CCDC3: variants seen among roughly 807,000 people sequenced by gnomAD.
The protein encoded by CCDC3 is coiled-coil domain-containing protein 3.
CCDC3 carries 24 observed loss-of-function variants against 21.4 expected under a neutral mutation model. That is an observed-to-expected ratio of 1.12 (90% CI 0.81 to 1.58). CCDC3 has a LOEUF of 1.58. Ranked by LOEUF, CCDC3 falls within the 40% of genes most tolerant of loss-of-function variation. CCDC3 has a pLI of 0.00. For missense variants in CCDC3, 425 were observed against 360.9 expected (o/e 1.18, Z -1.44); for synonymous variants, 186 against 166.0 (o/e 1.12, Z -0.93).
At chr10:12,906,796 G>A (rs539426539) in intron 2 of CCDC3, among the ~76,000 whole-genome samples, 7 of 152,308 alleles carry the variant, frequency 4.6e-5, no homozygotes, top group Admixed American at 4.6e-4. Context: ...AGCACCTGGT[G>A]TAGGGTGAAG....
At chr10:12,919,892 G>C (rs1433065567) in intron 2 of CCDC3, among the ~76,000 whole-genome samples, 1 of 152,158 alleles carries the variant, frequency 6.6e-6, no homozygotes, top group Admixed American at 6.5e-5. Context: ...GAAAGAGAGA[G>C]GGAGTTTGAC....
chr10:13,025,918 C>T (rs530008730), intron 5 of CCDC3, among the ~76,000 whole-genome samples: 14 of 152,150 alleles, frequency 9.2e-5, no homozygotes, highest in African/African-American at 1.7e-4. Context: ...TGGTGGCTCA[C>T]GCCTGTAATC....
intron 2 of CCDC3, among the ~76,000 whole-genome samples, chr10:12,992,568 A>G (rs1835697749): frequency 6.6e-6 from 1 of 152,122 alleles, no homozygotes; most frequent in Non-Finnish European, 1.5e-5. Flanking sequence ...AAAATCAAAC[A>G]TTTTATGTTC....
At chr10:12,929,668 C>G (rs1219877479) in intron 2 of CCDC3, among the ~76,000 whole-genome samples, 1 of 152,214 alleles carries the variant, frequency 6.6e-6, no homozygotes, top group African/African-American at 2.4e-5. Context: ...CTCCCCAGGC[C>G]CTTCCACATG....
intron 2 of CCDC3, among the ~76,000 whole-genome samples, chr10:12,958,806 C>A (rs964062800): frequency 3.3e-5 from 5 of 152,132 alleles, no homozygotes; most frequent in Non-Finnish European, 7.3e-5. Context: ...CTCCAGCCTG[C>A]CAACCCCCCT....
intron 2 of CCDC3, among the ~76,000 whole-genome samples, chr10:12,985,636 T>C (rs936111952): frequency 2.6e-5 from 4 of 152,138 alleles, no homozygotes; most frequent in African/African-American, 9.7e-5. Context: ...TCAAGGAAAT[T>C]ATGTTGAATG....
intron 3 of CCDC3, among the ~76,000 whole-genome samples, chr10:13,074,403 C>G (rs1169134461): frequency 7.9e-6 from 1 of 126,710 alleles, no homozygotes; most frequent in Non-Finnish European, 1.6e-5. Flanking sequence ...TCAGGCTGGT[C>G]TCGAACTCCC....
At chr10:12,939,853 A>C (rs1450200999) in intron 2 of CCDC3, among the ~76,000 whole-genome samples, 1 of 152,254 alleles carries the variant, frequency 6.6e-6, no homozygotes, top group African/African-American at 2.4e-5. Flanking sequence ...CTCTTCTTAC[A>C]GCCAATGATT....
rs1212399051 is a variant in CCDC3, at chr10:12,973,189, A to G, written c.549+25149T>C. On this transcript the variant is annotated intron_variant, in intron 2 of 2. Coordinates refer to ENST00000378825, the MANE Select transcript of CCDC3 (RefSeq NM_031455.4). ...AGACCTGAGGGCTCTACTGTCAAAA[A>G]GTAGTCTGATGGATTACAGGGGAAG... Among the ~76,000 whole-genome samples the G allele has an allele frequency of 2.6e-5, 4 of 152,306 alleles. No homozygotes were observed. The East Asian group carries it at 7.7e-4, about 29-fold the overall frequency.
intron 2 of CCDC3, among the ~76,000 whole-genome samples, chr10:12,997,701 C>G (rs1835783356): frequency 6.6e-6 from 1 of 152,198 alleles, no homozygotes; most frequent in Non-Finnish European, 1.5e-5. Flanking sequence ...CAATCATACA[C>G]AGTCAGGAAC....
intron 2 of CCDC3, among the ~76,000 whole-genome samples, chr10:12,996,875 C>T (rs535548186): frequency 6.6e-6 from 1 of 152,168 alleles, no homozygotes; most frequent in East Asian, 1.9e-4. Flanking sequence ...GGGAGCTAAA[C>T]ATTGAGTACA....
chr10:13,023,084 A>G (rs1389377603), intron 5 of CCDC3, among the ~76,000 whole-genome samples: 1 of 51,940 alleles, frequency 1.9e-5, no homozygotes, highest in African/African-American at 4.2e-5. Flanking sequence ...TTTTTTTTGC[A>G]CACTTTTTTT....
rs191106371 is a variant in CCDC3, at chr10:13,093,244, A to T, written c.-503+5281T>A. Among the ~76,000 whole-genome samples, 10 of 152,168 alleles carry T rather than the reference A, an allele frequency of 6.6e-5. 2 individuals carry two copies. The South Asian group carries it at 1.0e-3, about 16-fold the overall frequency. ...AATCATAGCGGAAGGCGAAAAGCAC[A>T]TCTTACATGGCGGCAGGCAAGAGAG... On this transcript the variant is annotated intron_variant, in intron 3 of 6. Transcript: ENST00000378839.
At chr10:12,915,072 A>C (rs1451020038) in intron 2 of CCDC3, among the ~76,000 whole-genome samples, 1 of 152,134 alleles carries the variant, frequency 6.6e-6, no homozygotes, top group Non-Finnish European at 1.5e-5. Flanking sequence ...AAACATTTTT[A>C]AAATTTTTTT....
At chr10:12,979,139 A>G (rs1835460132) in intron 2 of CCDC3, among the ~76,000 whole-genome samples, 2 of 151,984 alleles carry the variant, frequency 1.3e-5, no homozygotes, top group Admixed American at 6.6e-5. Context: ...CTCTCTATAA[A>G]CTAGCCCTAA....
chr10:13,041,389 G>A (rs1836451862), intron 5 of CCDC3, among the ~76,000 whole-genome samples: 1 of 149,784 alleles, frequency 6.7e-6, no homozygotes, highest in African/African-American at 2.5e-5. Flanking sequence ...TTATGTGAAT[G>A]TTTATTTATA....
chr10:13,097,083 G>T (rs1832636521), intron 3 of CCDC3, among the ~76,000 whole-genome samples: 3 of 152,336 alleles, frequency 2.0e-5, no homozygotes, highest in Admixed American at 2.0e-4. Flanking sequence ...GGAGATTGGG[G>T]TGGAAAGGGA....
intron 2 of CCDC3, among the ~76,000 whole-genome samples, chr10:12,995,167 G>A (rs1835742058): frequency 6.6e-6 from 1 of 151,790 alleles, no homozygotes; most frequent in Non-Finnish European, 1.5e-5. Flanking sequence ...AATATCTTAG[G>A]GAGCATCAGA....
intron 2 of CCDC3, among the ~76,000 whole-genome samples, chr10:12,921,073 A>G (rs1332045190): frequency 6.6e-6 from 1 of 152,082 alleles, no homozygotes; most frequent in East Asian, 1.9e-4. Context: ...GCTACATATT[A>G]TGATATTTGC....
Sources: gnomAD v4.1 joint callset for allele counts (sites outside exome capture counted in the v4.1 genomes callset) on GRCh38, gnomAD v4.1.1 for gene constraint, MANE v1.5 for transcripts, NCBI Gene and HGNC (gene_info 2026-07-23, HGNC 2026-07-21) for gene names.